The following DENND1A variants were observed in gnomAD, a reference collection of about 807,000 sequenced individuals.
DENND1A encodes the protein DENN domain containing 1A, also known as DENN domain-containing protein 1A.
In DENND1A, 51 loss-of-function variants were observed where a neutral mutation model predicts 113.7. That is an observed-to-expected ratio of 0.45 (90% CI 0.36 to 0.57). The LOEUF (loss-of-function observed/expected upper bound fraction) is 0.57, where lower values mean the gene tolerates loss of function less well. DENND1A is among the 20% of genes least tolerant of loss of function. DENND1A has a pLI of 0.00. For synonymous variants in DENND1A, 565 were observed against 570.8 expected (o/e 0.99, Z 0.14); for missense variants, 1,258 against 1,395.9 (o/e 0.90, Z 1.57).
chr9:123,408,160 C>T (rs1262263426), intron 20 of DENND1A, among the ~76,000 whole-genome samples: 3 of 152,164 alleles, frequency 2.0e-5, no homozygotes, highest in Admixed American at 1.3e-4. Context: ...TTTGTGGCTA[C>T]GTGACCCAGC....
intron 11 of DENND1A, among the ~76,000 whole-genome samples, chr9:123,587,232 G>C (rs1252534018): frequency 6.6e-6 from 1 of 152,162 alleles, no homozygotes; most frequent in Non-Finnish European, 1.5e-5. Context: ...CATAGCATTT[G>C]TATGTAGAAG....
intron 4 of DENND1A, among the ~76,000 whole-genome samples, chr9:123,761,828 A>G (rs753394710): frequency 2.0e-5 from 3 of 152,124 alleles, no homozygotes; most frequent in Non-Finnish European, 4.4e-5. Context: ...TTGCTGGGGT[A>G]GTCTATGGGA....
chr9:123,639,984 T>C (rs1012699735), intron 9 of DENND1A, among the ~76,000 whole-genome samples: 2 of 152,088 alleles, frequency 1.3e-5, no homozygotes, highest in Admixed American at 1.3e-4. Flanking sequence ...GGAACCTGTA[T>C]AAGGTCACAG....
chr9:123,854,928 G>A (rs1185261842), intron 2 of DENND1A, among the ~76,000 whole-genome samples: 2 of 150,674 alleles, frequency 1.3e-5, no homozygotes, highest in Non-Finnish European at 2.9e-5. Flanking sequence ...ATAATGAACC[G>A]ATCCTTCATA....
intron 2 of DENND1A, among the ~76,000 whole-genome samples, chr9:123,799,947 T>A (rs1312189829): frequency 1.3e-5 from 2 of 152,236 alleles, no homozygotes; most frequent in Non-Finnish European, 2.9e-5. Context: ...GCAAGCACTA[T>A]AAATTCAATG....
chr9:123,741,969 G>C (rs1342410200), intron 5 of DENND1A, among the ~76,000 whole-genome samples: 1 of 152,214 alleles, frequency 6.6e-6, no homozygotes, highest in Non-Finnish European at 1.5e-5. Context: ...GTCTATTCCA[G>C]CAGAACATTT....
intron 12 of DENND1A, among the ~76,000 whole-genome samples, chr9:123,570,112 C>T (rs932007360): frequency 2.6e-5 from 4 of 152,214 alleles, no homozygotes; most frequent in East Asian, 3.8e-4. Context: ...CCAGTGTGCT[C>T]ATCGCTCCTT....
At chr9:123,843,904 G>T (rs1842191040) in intron 2 of DENND1A, among the ~76,000 whole-genome samples, 1 of 152,074 alleles carries the variant, frequency 6.6e-6, no homozygotes, top group Non-Finnish European at 1.5e-5. Context: ...AGAATGCAAG[G>T]TTGGTTTAAC....
intron 10 of DENND1A, among the ~76,000 whole-genome samples, chr9:123,623,695 T>C (rs1010349231): frequency 2.0e-5 from 3 of 152,242 alleles, no homozygotes; most frequent in African/African-American, 7.2e-5. Context: ...AATGCGCAAT[T>C]GGTCCTCCAC....
At chr9:123,395,996 T>C (rs552643822) in intron 21 of DENND1A, among the ~76,000 whole-genome samples, 13 of 151,596 alleles carry the variant, frequency 8.6e-5, no homozygotes, top group African/African-American at 1.5e-4. Flanking sequence ...TGTGTGTGTG[T>C]GCACGCGTGT....
At chr9:123,473,120 C>T (rs1222157305) in intron 13 of DENND1A, among the ~76,000 whole-genome samples, 1 of 152,110 alleles carries the variant, frequency 6.6e-6, no homozygotes, top group Non-Finnish European at 1.5e-5. Context: ...CGCCTCTGCA[C>T]CTCCAGCTTC....
intron 19 of DENND1A, chr9:123,413,884 G>A (rs2044508590): frequency 1.0e-6 from 1 of 985,372 alleles, no homozygotes; most frequent in Non-Finnish European, 1.2e-6. Flanking sequence ...TCAGGGAGAG[G>A]GGAGCCCACC....
intron 5 of DENND1A, among the ~76,000 whole-genome samples, chr9:123,702,475 T>C (rs1402392589): frequency 6.6e-6 from 1 of 152,106 alleles, no homozygotes; most frequent in African/African-American, 2.4e-5. Context: ...TCCAATCAGA[T>C]TCAATTCAAA....
chr9:123,531,919 G>A (rs1184702308), intron 13 of DENND1A, among the ~76,000 whole-genome samples: 1 of 152,188 alleles, frequency 6.6e-6, no homozygotes, highest in Non-Finnish European at 1.5e-5. Flanking sequence ...GAAGTGGCGA[G>A]AAGAGGACAG....
chr9:123,571,990 T>A (rs2058379708), intron 12 of DENND1A, among the ~76,000 whole-genome samples: 1 of 152,268 alleles, frequency 6.6e-6, no homozygotes, highest in Non-Finnish European at 1.5e-5. Flanking sequence ...TAAATAATTT[T>A]AAAGTCAGGT....
chr9:123,555,814 A>G (rs2057383803), intron 13 of DENND1A, among the ~76,000 whole-genome samples: 1 of 152,212 alleles, frequency 6.6e-6, no homozygotes, highest in African/African-American at 2.4e-5. Context: ...GCCTGTGCCC[A>G]GATCCTGCAG....
At chr9:123,856,900 A>C (rs1844296736) in intron 2 of DENND1A, among the ~76,000 whole-genome samples, 1 of 152,210 alleles carries the variant, frequency 6.6e-6, no homozygotes, top group Non-Finnish European at 1.5e-5. Flanking sequence ...CAGGCTTCTC[A>C]CAGTTGAAGA....
intron 13 of DENND1A, among the ~76,000 whole-genome samples, chr9:123,502,012 T>G (rs1261458169): frequency 2.6e-5 from 4 of 152,196 alleles, no homozygotes; most frequent in African/African-American, 9.7e-5. Flanking sequence ...ATTGGTTCTG[T>G]CCCTCTAGAT....
intron 5 of DENND1A, among the ~76,000 whole-genome samples, chr9:123,750,079 C>T (rs1164880012): frequency 6.6e-6 from 1 of 152,194 alleles, no homozygotes; most frequent in Non-Finnish European, 1.5e-5. Context: ...CTGAGGCTGG[C>T]TGCTTGTTCC....
Sources: allele counts gnomAD v4.1 joint callset (sites outside exome capture counted in the v4.1 genomes callset), GRCh38; gene constraint gnomAD v4.1.1; transcripts MANE v1.5; gene names NCBI Gene and HGNC (gene_info 2026-07-23, HGNC 2026-07-21).